The following IL17RA variants were observed in gnomAD, a reference collection of about 807,000 sequenced individuals.
The protein encoded by IL17RA is interleukin 17 receptor A.
A neutral mutation model predicts 50.4 loss-of-function variants in IL17RA; 34 were observed. The observed-to-expected ratio is 0.67, with a 90% CI of 0.51 to 0.90. The LOEUF is 0.90. Ranked by LOEUF, IL17RA falls within the 40% of genes least tolerant of loss-of-function variation. The pLI, the probability that IL17RA is intolerant of heterozygous loss-of-function variation, is 0.00. For missense variants in IL17RA, 1,276 were observed against 1,169.8 expected (o/e 1.09, Z -1.32); for synonymous variants, 585 against 510.4 (o/e 1.15, Z -1.97).
At chr22:17,101,712 G>A (rs1450906837) in intron 5 of IL17RA, among the ~76,000 whole-genome samples, 3 of 152,220 alleles carry the variant, frequency 2.0e-5, no homozygotes, top group Non-Finnish European at 4.4e-5. Flanking sequence ...AAGAAGCTGT[G>A]GGTGGGCAGA....
rs774366080 is a variant in IL17RA at position 17,108,937 on chromosome 22, G to A, written c.1718G>A (p.Arg573Lys). 19 of 1,611,490 alleles carry A rather than the reference G, an allele frequency of 1.2e-5. No homozygotes were observed. The South Asian group carries it at 2.1e-4, about 18-fold the overall frequency. ...GGRQLRAALD[R>K]FRDWQVRCPD... Reference sequence around the variant, plus strand: ...AGGCAGCTCCGCGCCGCCCTGGACAGGTTCCGGGACTGGCAGGTCCGCTGT... The same window carrying A: ...AGGCAGCTCCGCGCCGCCCTGGACAAGTTCCGGGACTGGCAGGTCCGCTGT... The change falls in exon 13 of 13, where the codon AGG (arginine) becomes AAG (lysine). Residue 573 changes from arginine to lysine, a missense_variant. Arg to Lys is a conservative substitution (Grantham distance 26, BLOSUM62 2). Transcript: ENST00000319363.
At position 17,108,581 on chromosome 22, in the gene IL17RA, G is replaced by C; in HGVS notation, c.1362G>C (p.Lys454Asn). Reference sequence around the variant, plus strand: ...TGTGCTCCCGCGGCACGCGCGCCAAGTGGCAGGCGCTCCTGGGCCGGGGGG... The same window carrying C: ...TGTGCTCCCGCGGCACGCGCGCCAACTGGCAGGCGCTCCTGGGCCGGGGGG... ...IVLCSRGTRA[K>N]WQALLGRGAP... The change falls in exon 13 of 13, where the codon AAG becomes AAC. Residue 454 changes from lysine (K) to asparagine (N), a missense_variant. Physicochemically the swap from Lys to Asn is moderately conservative, Grantham distance 94. Coordinates refer to ENST00000319363, the MANE Select transcript of IL17RA (RefSeq NM_014339.7). The C allele has an allele frequency of 6.2e-7, 1 of 1,605,954 alleles. No homozygotes were observed. The highest frequency in any genetic ancestry group is 8.5e-7 in the Non-Finnish European group (1 of 1,179,868).
intron 4 of IL17RA, among the ~76,000 whole-genome samples, chr22:17,099,955 T>C (rs2061383806): frequency 6.6e-6 from 1 of 152,134 alleles, no homozygotes; most frequent in Non-Finnish European, 1.5e-5. Flanking sequence ...GGAAGAATCA[T>C]TTGACAAATA....
In IL17RA at chr22:17,110,843, TAG is replaced by T. The variant is rs1311693766; in HGVS notation, c.*1025_*1026del. On this transcript the variant is annotated 3_prime_UTR_variant, in exon 13 of 13. Transcript: ENST00000319363. ...CCCTGTCTCAAAAAAAATAAAAAAG[TAG>T]AAAGATGGAGTGGAAGCCTGCCCAG... 1 of 151,984 alleles carries T rather than the reference TAG, an allele frequency of 6.6e-6. No individual in the cohort carries two copies. Among genetic ancestry groups the T allele is most frequent in the Non-Finnish European group, 1.5e-5 (1 of 68,164 alleles). 9.4% of individuals were successfully genotyped at this position (151,984 alleles called of 1,614,324 possible). A position where few individuals can be genotyped will look rare whatever the true frequency, so the allele number is the denominator to read the frequency against.
chr22:17,093,975 C>CTTTATTTTGTTTTAT (rs2061356644), intron 1 of IL17RA: 1 of 147,646 alleles, frequency 6.8e-6, no homozygotes, highest in African/African-American at 2.5e-5. Flanking sequence ...TTTTATCTTA[C>CTTTATTTTGTTTTAT]TTTATTTTAT....
rs2061432627 is a variant in IL17RA at position 17,109,718 on chromosome 22, G to A, written c.2499G>A (p.Leu833=). ...KPALPLSPED[L]ESLRSLQRQL... ...CCCTGCCACTCTCTCCCGAGGACCT[G>A]GAGAGCCTGAGGAGCCTCCAGCGGC... The change falls in exon 13 of 13, where the codon CTG becomes CTA. Residue 833 remains leucine (L), a synonymous_variant. Coordinates refer to ENST00000319363, the MANE Select transcript of IL17RA (RefSeq NM_014339.7). 2 of 1,583,954 alleles carry A rather than the reference G, an allele frequency of 1.3e-6. No homozygotes were observed. Among genetic ancestry groups the A allele is most frequent in the East Asian group, 2.3e-5 (1 of 43,708 alleles).
intron 2 of IL17RA, chr22:17,097,519 T>A (rs1241719889): frequency 1.8e-6 from 1 of 561,502 alleles, no homozygotes; most frequent in Admixed American, 3.1e-5. Flanking sequence ...GCATCCCTCC[T>A]GTGCCCTTAT....
At chr22:17,101,851 T>G (rs1033876462) in intron 5 of IL17RA, 145 bp from the exon 6 acceptor site, 5 of 929,690 alleles carry the variant, frequency 5.4e-6, no homozygotes, top group South Asian at 1.4e-5. Context: ...CCAAGGTGGG[T>G]CCAGCCCTGG....
At chr22:17,091,638 A>G (rs1275622712) in intron 1 of IL17RA, among the ~76,000 whole-genome samples, 1 of 151,996 alleles carries the variant, frequency 6.6e-6, no homozygotes, top group Non-Finnish European at 1.5e-5. Flanking sequence ...AGATCGCACC[A>G]CTGCACTCCA....
rs2061445408 is a variant in IL17RA, at chr22:17,112,089, C to T, written c.*2269C>T. 1.3e-5 allele frequency: 2 copies of T among 152,222 alleles called. No individual in the cohort carries two copies. The highest frequency in any genetic ancestry group is 2.1e-4 in the South Asian group (1 of 4,830). The allele number at this position is 152,222 out of a possible 1,614,324, so 9.4% of individuals were successfully genotyped here. Reference sequence around the variant, plus strand: ...CATGCATTCTGTGACCTTTCCCTAGCTTCCAATAAATAACTGTTTGACGCC... The same window carrying T: ...CATGCATTCTGTGACCTTTCCCTAGTTTCCAATAAATAACTGTTTGACGCC... On this transcript the variant is annotated 3_prime_UTR_variant, in exon 13 of 13. Transcript: ENST00000319363.
chr22:17,108,114 A>G (rs2061421500), intron 12 of IL17RA, among the ~76,000 whole-genome samples, 193 bp from the exon 13 acceptor site: 2 of 152,244 alleles, frequency 1.3e-5, no homozygotes, highest in South Asian at 4.1e-4. Context: ...ACAAGGCAGC[A>G]GACTGATTTT....
At chr22:17,094,685 C>CTATATA (rs1440120986) in intron 1 of IL17RA, among the ~76,000 whole-genome samples, 28 of 45,794 alleles carry the variant, frequency 6.1e-4, no homozygotes, top group Non-Finnish European at 1.0e-3. Context: ...CTCTCTCTCT[C>CTATATA]TCTCTCTATA....
intron 1 of IL17RA, among the ~76,000 whole-genome samples, chr22:17,086,481 G>A (rs1276500699): frequency 2.0e-5 from 3 of 152,292 alleles, no homozygotes; most frequent in African/African-American, 7.2e-5. Flanking sequence ...CCTGCAGGCT[G>A]TGTATGAAGC....
chr22:17,111,633 A>G lies in IL17RA; in HGVS notation c.*1813A>G, dbSNP rs1299989690. The stretch of plus-strand genomic sequence containing the variant: ...CTGACACTGGAATAGGGTGCCCTTC[A>G]TTCCTATGCCTGAGTCCTTAACTAT... On this transcript the variant is annotated 3_prime_UTR_variant, in exon 13 of 13. Coordinates refer to ENST00000319363, the MANE Select transcript of IL17RA (RefSeq NM_014339.7). The G allele has an allele frequency of 6.6e-6, 1 of 152,174 alleles. No individual in the cohort carries two copies. The highest frequency in any genetic ancestry group is 1.5e-5 in the Non-Finnish European group (1 of 68,030). The allele number at this position is 152,174 out of a possible 1,614,324, so 9.4% of individuals were successfully genotyped here.
chr22:17,109,365 G>T lies in IL17RA; in HGVS notation c.2146G>T (p.Val716Phe), dbSNP rs771961316. 4 of 1,608,720 alleles carry T rather than the reference G, an allele frequency of 2.5e-6. No homozygotes were observed. The Admixed American group carries it at 6.7e-5, about 27-fold the overall frequency. ...CAGCCCGGGCGCTGGGCGAAATAGCGTCCTCTTCCTCCCCGTGGACCCCGA... is the reference window on the plus strand; with the variant it reads ...CAGCCCGGGCGCTGGGCGAAATAGCTTCCTCTTCCTCCCCGTGGACCCCGA... ...LGSPGAGRNSVLFLPVDPEDS... is the reference protein window; with the variant it reads ...LGSPGAGRNSFLFLPVDPEDS... The change falls in exon 13 of 13, where the codon GTC (valine) becomes TTC (phenylalanine). Residue 716 changes from valine to phenylalanine, a missense_variant. Val to Phe is a conservative substitution (Grantham distance 50). Transcript: ENST00000319363.
At chr22:17,107,154 A>G (rs1468165024) in intron 11 of IL17RA, among the ~76,000 whole-genome samples, 1 of 152,162 alleles carries the variant, frequency 6.6e-6, no homozygotes, top group Admixed American at 6.5e-5. Context: ...TCCTCACCTC[A>G]AAAATACCAG....
chr22:17,104,340 G>A (rs928689221), intron 8 of IL17RA, among the ~76,000 whole-genome samples: 5 of 127,996 alleles, frequency 3.9e-5, no homozygotes, highest in South Asian at 2.9e-4. Flanking sequence ...AGTGGGGAGC[G>A]TGCACAGGTG....
intron 5 of IL17RA, 71 bp downstream of exon 5, chr22:17,100,552 T>C: frequency 3.2e-6 from 5 of 1,579,766 alleles, no homozygotes; most frequent in Non-Finnish European, 4.3e-6. Context: ...GTGGCACAGA[T>C]GCCAGCCCCC....
intron 1 of IL17RA, among the ~76,000 whole-genome samples, chr22:17,086,407 G>A (rs1277200059): frequency 5.3e-5 from 8 of 151,714 alleles, no homozygotes; most frequent in Non-Finnish European, 1.2e-4. Flanking sequence ...CGTGAATGAT[G>A]TTGAGAAATG....
Sources: allele counts gnomAD v4.1 joint callset (sites outside exome capture counted in the v4.1 genomes callset), GRCh38; gene constraint gnomAD v4.1.1; transcripts MANE v1.5; gene names NCBI Gene and HGNC (gene_info 2026-07-23, HGNC 2026-07-21).